SPMAP2: variants seen among roughly 807,000 people sequenced by gnomAD.
The protein encoded by SPMAP2 is Theg homolog.
the SPMAP2 span, among the ~76,000 whole-genome samples, chr19:375,178 G>GC: frequency 6.6e-6 from 1 of 152,136 alleles, no homozygotes; most frequent in Non-Finnish European, 1.5e-5. Context: ...CAAAATCAGC[G>GC]CCCCCAGTGC....
the SPMAP2 span, among the ~76,000 whole-genome samples, chr19:370,044 C>T: frequency 2.0e-5 from 3 of 152,066 alleles, no homozygotes; most frequent in Admixed American, 2.0e-4. Flanking sequence ...GCAAGATGGC[C>T]AGGATACGGC....
the SPMAP2 span, chr19:367,183 G>C: frequency 1.2e-6 from 2 of 1,607,940 alleles, no homozygotes. Context: ...GGATCCGCGA[G>C]CTGGGGACTG....
the SPMAP2 span, chr19:371,153 G>C: frequency 2.6e-5 from 29 of 1,117,234 alleles, no homozygotes; most frequent in Admixed American, 5.7e-4. Flanking sequence ...ACTCTCTGCC[G>C]GGTCCCAGCC....
chr19:362,247 G>C, the SPMAP2 span: 1 of 1,576,750 alleles, frequency 6.3e-7, no homozygotes, highest in Non-Finnish European at 8.6e-7. Context: ...GATGCTTTTG[G>C]GGGTGGCAAG....
chr19:365,264 GC>G, the SPMAP2 span, among the ~76,000 whole-genome samples: 1 of 152,228 alleles, frequency 6.6e-6, no homozygotes, highest in Non-Finnish European at 1.5e-5. Context: ...CCGGGTGGAT[GC>G]GAGCTCTGCC....
chr19:367,570 A>T, the SPMAP2 span, among the ~76,000 whole-genome samples: 1 of 152,256 alleles, frequency 6.6e-6, no homozygotes. Flanking sequence ...ACAATGAAAA[A>T]GTCTGACATG....
At chr19:373,680 C>A in the SPMAP2 span, 1 of 712,628 alleles carries the variant, frequency 1.4e-6, no homozygotes, top group Non-Finnish European at 2.4e-6. Context: ...GTGGGGGGGC[C>A]GGCGGGACGC....
At chr19:375,487 C>T in the SPMAP2 span, among the ~76,000 whole-genome samples, 54 of 152,256 alleles carry the variant, frequency 3.5e-4, 1 homozygote, top group East Asian at 4.3e-3. Flanking sequence ...GGCCGCCAAC[C>T]GACCAAGCCC....
At chr19:375,008 A>C in the SPMAP2 span, among the ~76,000 whole-genome samples, 1 of 152,182 alleles carries the variant, frequency 6.6e-6, no homozygotes, top group Non-Finnish European at 1.5e-5. Flanking sequence ...CAGGGCAGCC[A>C]CTTTGTTCTT....
At chr19:375,811 C>A in the SPMAP2 span, 1 of 1,609,836 alleles carries the variant, frequency 6.2e-7, no homozygotes, top group Non-Finnish European at 8.5e-7. Flanking sequence ...GGTCCCAGCT[C>A]TGCATTGTCC....
the SPMAP2 span, chr19:374,234 C>T: frequency 1.6e-4 from 254 of 1,592,918 alleles, no homozygotes; most frequent in African/African-American, 8.7e-4. Flanking sequence ...AGGAGGAGCC[C>T]GGGAAGGGTG....
chr19:368,109 G>C, the SPMAP2 span, among the ~76,000 whole-genome samples: 4 of 152,064 alleles, frequency 2.6e-5, no homozygotes, highest in Admixed American at 6.5e-5. This position sits in a 1 kb window ranked among gnomAD's most constrained non-coding sequence, Gnocchi z 4.1. Context: ...CAGCCCTTTG[G>C]GGGGTCGAGG....
the SPMAP2 span, chr19:373,420 G>A: frequency 2.5e-6 from 4 of 1,592,986 alleles, no homozygotes; most frequent in Admixed American, 5.0e-5. Flanking sequence ...AGGTTCCCTG[G>A]AGGCCGGCAG....
chr19:369,686 C>T, the SPMAP2 span, among the ~76,000 whole-genome samples: 6 of 152,080 alleles, frequency 3.9e-5, no homozygotes, highest in African/African-American at 9.7e-5. Flanking sequence ...GGGCTGAGTC[C>T]GAAAAGAGAG....
At chr19:362,203 G>C in the SPMAP2 span, 2 of 1,495,144 alleles carry the variant, frequency 1.3e-6, no homozygotes, top group Non-Finnish European at 1.8e-6. Context: ...GGAGGTCTTA[G>C]AGGCCAGGCC....
At chr19:364,192 C>T in the SPMAP2 span, among the ~76,000 whole-genome samples, 226 of 150,472 alleles carry the variant, frequency 1.5e-3, 1 homozygote, top group African/African-American at 5.2e-3. Flanking sequence ...AAAAAATTAG[C>T]CGGGCGTGGT....
chr19:362,102 G>C, the SPMAP2 span: 13 of 842,724 alleles, frequency 1.5e-5, no homozygotes, highest in Non-Finnish European at 2.3e-5. Flanking sequence ...CCTTCTTTTG[G>C]CCTTCTAGCC....
At chr19:375,943 C>G in the SPMAP2 span, 1 of 1,446,024 alleles carries the variant, frequency 6.9e-7, no homozygotes, top group Non-Finnish European at 9.1e-7. Flanking sequence ...GGCTGGTTCC[C>G]GAGTGACCTT....
chr19:369,229 CA>C, the SPMAP2 span, among the ~76,000 whole-genome samples: 1 of 152,146 alleles, frequency 6.6e-6, no homozygotes, highest in Admixed American at 6.5e-5. Context: ...AAGTTAATGC[CA>C]CGCGAGAAAC....
Sources: allele counts gnomAD v4.1 joint callset (sites outside exome capture counted in the v4.1 genomes callset), GRCh38; gene constraint gnomAD v4.1.1; non-coding constraint Gnocchi (gnomAD v3.1); transcripts MANE v1.5; gene names NCBI Gene and HGNC (gene_info 2026-07-23, HGNC 2026-07-21).